The following GAK variants were observed in gnomAD, a reference collection of about 807,000 sequenced individuals.
GAK encodes cyclin-G-associated kinase.
GAK carries 79 observed loss-of-function variants against 143.9 expected under a neutral mutation model. That is an observed-to-expected ratio of 0.55 (90% confidence interval 0.46 to 0.66). GAK has a LOEUF of 0.66. Ranked by LOEUF, GAK falls within the 30% of genes least tolerant of loss-of-function variation. GAK has a pLI of 0.00. For synonymous variants in GAK, 881 were observed against 765.5 expected, an observed-to-expected ratio of 1.15 and a Z score of -2.49; for missense variants, 1,693 against 1,779.7, an observed-to-expected ratio of 0.95 and a Z score of 0.88.
In GAK at chr4:870,784, C is replaced by T. The variant is rs757029738; in HGVS notation, c.2175G>A (p.Ser725=). The T allele has an allele frequency of 3.0e-5, 48 of 1,614,048 alleles. No individual in the cohort carries two copies. The highest frequency in any genetic ancestry group is 2.4e-4 in the South Asian group (22 of 91,076). Residue 725 remains serine (S), a synonymous_variant, in exon 19 of 28, where the codon TCG becomes TCA. Transcript: ENST00000314167. ...PSREAPPWEN[S]SMRGLNPKIL... is the part of the protein sequence containing the mutation. The stretch of plus-strand genomic sequence containing the variant: ...TTTTGGGGTTCAGCCCCCTCATGCT[C>T]GAGTTCTCCCATGGTGGGGCTTCCC...
intron 27 of GAK, 59 bp from the exon 28 acceptor site, chr4:849,833 G>GGCCCCCC: frequency 5.9e-6 from 7 of 1,190,116 alleles, no homozygotes; most frequent in Non-Finnish European, 6.9e-6. Context: ...GGCGGGGCAG[G>GGCCCCCC]ACCCCCCCCC....
chr4:897,492 C>T (rs549944681), intron 6 of GAK, among the ~76,000 whole-genome samples: 76 of 152,174 alleles, frequency 5.0e-4, no homozygotes, highest in South Asian at 1.5e-3. Context: ...GAGCAGGCTA[C>T]GTGTGGGCAG....
rs1715851002 is a variant in GAK, at chr4:884,474, C to CG, written c.1206-389dup. 3 of 223,454 alleles carry CG rather than the reference C, an allele frequency of 1.3e-5. No individual in the cohort carries two copies. The South Asian group carries it at 1.7e-4, about 13-fold the overall frequency. The allele number at this position is 223,454 out of a possible 1,614,324, so 13.8% of individuals were successfully genotyped here. ...GCAAGGGTGGCTTGGACGATGGTCA[C>CG]GGGTCATGCCAGGCTCCACGCGCTG... On this transcript the variant is annotated intron_variant, in intron 11 of 27. Coordinates refer to ENST00000314167, the MANE Select transcript of GAK (RefSeq NM_005255.4).
chr4:860,901 G>A (rs939909910), intron 23 of GAK, among the ~76,000 whole-genome samples: 2 of 152,204 alleles, frequency 1.3e-5, no homozygotes, highest in Non-Finnish European at 2.9e-5. Flanking sequence ...AACTCTGTCC[G>A]GCACCATTTT....
Position 850,036 on chromosome 4 carries a change from G to A in GAK, c.3690C>T (p.Asn1230=), listed in dbSNP as rs1259309645. 1.9e-6 allele frequency: 3 copies of A among 1,597,842 alleles called. No individual in the cohort carries two copies. Among genetic ancestry groups the A allele is most frequent in the African/African-American group, 1.3e-5 (1 of 74,536 alleles). Residue 1230 remains asparagine (N), a synonymous_variant, in exon 27 of 28, where the codon AAC becomes AAT. Transcript: ENST00000314167. The part of the protein sequence containing the change: ...LLDWIEGKER[N]IRALLSTLHT... ...GCAGCGTGGACAGCAGGGCCCGGAT[G>A]TTCCGCTCCTTGCCCTCAATCCAGT...
At chr4:856,596 TCACAGCTGCTCAC>T (rs1434394373) in intron 24 of GAK, among the ~76,000 whole-genome samples, 2 of 125,694 alleles carry the variant, frequency 1.6e-5, no homozygotes, top group Non-Finnish European at 3.3e-5. Context: ...CCACAGGTGC[TCACAGCTGCTCAC>T]CACAGGTGCT....
chr4:884,715 T>A (rs1006929123), intron 11 of GAK, among the ~76,000 whole-genome samples: 2 of 152,180 alleles, frequency 1.3e-5, no homozygotes, highest in Non-Finnish European at 2.9e-5. Context: ...CACAATTCAC[T>A]GGCAGCAGCA....
chr4:900,741 C>G (rs1212995194), intron 5 of GAK, among the ~76,000 whole-genome samples: 1 of 152,188 alleles, frequency 6.6e-6, no homozygotes, highest in Non-Finnish European at 1.5e-5. Context: ...CTTGAAGAAG[C>G]TTCCCTCAAA....
intron 24 of GAK, chr4:859,112 C>A (rs1053131210): frequency 1.0e-6 from 1 of 965,642 alleles, no homozygotes; most frequent in Non-Finnish European, 1.2e-6. Flanking sequence ...CCCAAGGAGA[C>A]TTGAAGCCAC....
Position 904,617 on chromosome 4 carries a change from C to T in GAK, c.525+20G>A, listed in dbSNP as rs571386409. ...CCGCACACAGAGGCCTTGGCAGCCG[C>T]GTGTGGAGGGAGCCACTACCTTGAG... is the stretch of plus-strand genomic sequence containing the variant. On this transcript the variant is annotated intron_variant, in intron 5 of 27. Transcript: ENST00000314167. 9.0e-6 allele frequency: 14 copies of T among 1,553,322 alleles called. No individual in the cohort carries two copies. Among genetic ancestry groups the T allele is most frequent in the Middle Eastern group, 2.1e-4 (1 of 4,838 alleles).
intron 5 of GAK, 99 bp from the exon 6 acceptor site, chr4:898,257 A>G: frequency 7.0e-7 from 1 of 1,419,844 alleles, no homozygotes; most frequent in Non-Finnish European, 9.7e-7. Context: ...GGCCCTTCGC[A>G]GACAGCACTC....
At chr4:909,561 C>G (rs1442717102) in intron 4 of GAK, among the ~76,000 whole-genome samples, 1 of 151,966 alleles carries the variant, frequency 6.6e-6, no homozygotes, top group Admixed American at 6.5e-5. Flanking sequence ...ACGGGAAGGG[C>G]CCAGCACGGA....
At position 888,873 on chromosome 4, in the gene GAK, G is replaced by A. The variant is rs2152840432; in HGVS notation, c.1179C>T (p.Ser393=). ...TAGCGACGGACTGGATGACCTTGGA[G>A]GAGGTGTCCTTGAGGTTGGTGAAGA... ...ERLFTNLKDT[S]SKVIQSVANY... The change falls in exon 11 of 28, where the codon TCC becomes TCT. Residue 393 remains serine, a synonymous_variant. Coordinates refer to ENST00000314167, the MANE Select transcript of GAK (RefSeq NM_005255.4). 5.0e-6 allele frequency: 8 copies of A among 1,609,784 alleles called. No individual in the cohort carries two copies. The highest frequency in any genetic ancestry group is 3.3e-4 in the Middle Eastern group (2 of 6,058).
intron 24 of GAK, among the ~76,000 whole-genome samples, chr4:857,424 G>A (rs752232485): frequency 1.3e-5 from 2 of 152,176 alleles, no homozygotes; most frequent in Non-Finnish European, 2.9e-5. Context: ...TTCTCCAGTG[G>A]CCCAGGTGGG....
chr4:862,039 G>C (rs2152726422), intron 23 of GAK, among the ~76,000 whole-genome samples: 1 of 152,358 alleles, frequency 6.6e-6, no homozygotes, highest in East Asian at 1.9e-4. Context: ...TAAGTCATCT[G>C]CTAAGATGCA....
chr4:882,218 A>G (rs1002311951), intron 14 of GAK, among the ~76,000 whole-genome samples, 178 bp from the exon 15 acceptor site: 2 of 152,226 alleles, frequency 1.3e-5, no homozygotes, highest in Non-Finnish European at 2.9e-5. Flanking sequence ...ATGGAGCCCA[A>G]CAGAGACTGA....
At chr4:882,668 C>T (rs757309623) in intron 14 of GAK, 29 bp downstream of exon 14, 21 of 1,605,268 alleles carry the variant, frequency 1.3e-5, no homozygotes, top group African/African-American at 5.3e-5. Flanking sequence ...TGACAGAAGA[C>T]GGCGCCAGCC....
intron 4 of GAK, among the ~76,000 whole-genome samples, chr4:905,539 AC>A (rs1222099450): frequency 6.8e-6 from 1 of 147,692 alleles, no homozygotes; most frequent in African/African-American, 2.5e-5. Context: ...ATGCCACGCT[AC>A]GGACTCCGCC....
At position 876,617 on chromosome 4, in the gene GAK, G is replaced by A. The variant is rs761491483; in HGVS notation, c.1975-8C>T. 9.3e-6 allele frequency: 15 copies of A among 1,613,478 alleles called. No individual in the cohort carries two copies. Among genetic ancestry groups the A allele is most frequent in the Admixed American group, 8.3e-5 (5 of 60,012 alleles). ...CATCTTCATGGATGCCATCTGCAAA[G>A]AGAGCAAACACGACACCCCACGTGG... On this transcript the variant is annotated splice_polypyrimidine_tract_variant and splice_region_variant and intron_variant, in intron 17 of 27. Coordinates refer to ENST00000314167, the MANE Select transcript of GAK (RefSeq NM_005255.4).
Sources: gnomAD v4.1 joint callset for allele counts (sites outside exome capture counted in the v4.1 genomes callset) on GRCh38, gnomAD v4.1.1 for gene constraint, MANE v1.5 for transcripts, NCBI Gene and HGNC (gene_info 2026-07-23, HGNC 2026-07-21) for gene names.